Variants in DTX3 observed in about 807,000 individuals in gnomAD.
DTX3 encodes the protein deltex E3 ubiquitin ligase 3.
Under a neutral mutation model 27.4 loss-of-function variants are expected in DTX3, and 10 were observed. That is an observed-to-expected ratio of 0.36 (90% confidence interval 0.22 to 0.62). DTX3 has a LOEUF of 0.62. Among genes scored for constraint, DTX3 ranks in the 20% least tolerant of loss-of-function variants. DTX3 has a pLI of 0.68. For missense variants in DTX3, 319 were observed against 463.8 expected (o/e 0.69, Z 2.87); for synonymous variants, 171 against 190.7 (o/e 0.90, Z 0.85).
chr12:57,605,537 G>A (rs1393940427), intron 1 of DTX3, 34 bp from the exon 2 acceptor site: 1 of 152,202 alleles, frequency 6.6e-6, no homozygotes, highest in Non-Finnish European at 1.5e-5. Context: ...TCAATAAATG[G>A]AGGTCACACT....
At position 57,607,871 on chromosome 12, in the gene DTX3, ATAT is replaced by A. The variant is rs1883814266; in HGVS notation, c.750+263_750+265del. On this transcript the variant is annotated intron_variant, in intron 5 of 6. Coordinates refer to ENST00000337737, the MANE Select transcript of DTX3 (RefSeq NM_178502.4). The surrounding 1 kb of genome is among the most constrained non-coding windows in gnomAD (Gnocchi z 7.7). Reference sequence around the variant, plus strand: ...ATCAGATATGAGAGGAAGGAATTGCATATTATTTCCTTGATGAACACAAATACT... The same window carrying A: ...ATCAGATATGAGAGGAAGGAATTGCATATTTCCTTGATGAACACAAATACT... Among the ~76,000 whole-genome samples, 1 of 152,212 alleles carries A rather than the reference ATAT, an allele frequency of 6.6e-6. No individual in the cohort carries two copies. Among genetic ancestry groups the A allele is most frequent in the African/African-American group, 2.4e-5 (1 of 41,456 alleles).
rs1287469843 is a variant in DTX3 at position 57,609,552 on chromosome 12, C to A, written c.*400C>A. ...CCCCACATACTGCTCCACCGCTGAACTTCGGGTGCCGGGGAGGAGAAATTG... is the reference window on the plus strand; with the variant it reads ...CCCCACATACTGCTCCACCGCTGAAATTCGGGTGCCGGGGAGGAGAAATTG... On this transcript the variant is annotated 3_prime_UTR_variant, in exon 7 of 7. Coordinates refer to ENST00000337737, the MANE Select transcript of DTX3 (RefSeq NM_178502.4). 1 of 192,574 alleles carries A rather than the reference C, an allele frequency of 5.2e-6. No homozygotes were observed. The highest frequency in any genetic ancestry group is 2.3e-5 in the African/African-American group (1 of 43,386). 11.9% of individuals were successfully genotyped at this position (192,574 alleles called of 1,614,324 possible). A position where few individuals can be genotyped will look rare whatever the true frequency, so the allele number is the denominator to read the frequency against.
chr12:57,606,722 A>T, intron 4 of DTX3, 143 bp from the exon 5 acceptor site: 1 of 1,383,452 alleles, frequency 7.2e-7, no homozygotes, highest in Non-Finnish European at 9.9e-7. Flanking sequence ...GGGGAGACAG[A>T]ATATGAATTT....
chr12:57,608,984 G>A lies in DTX3; in HGVS notation c.969-93G>A. 2 of 1,231,034 alleles carry A rather than the reference G, an allele frequency of 1.6e-6. No individual in the cohort carries two copies. The highest frequency in any genetic ancestry group is 2.4e-6 in the Non-Finnish European group (2 of 846,362). The allele number at this position is 1,231,034 out of a possible 1,614,324, so 76.3% of individuals were successfully genotyped here. On this transcript the variant is annotated intron_variant, in intron 6 of 6. Coordinates refer to ENST00000337737, the MANE Select transcript of DTX3 (RefSeq NM_178502.4). The surrounding 1 kb of genome is among the most constrained non-coding windows in gnomAD (Gnocchi z 6.1). The stretch of plus-strand genomic sequence containing the variant: ...TGTCCTCCCTTAGGGGAGGTGGGGA[G>A]GTGTCTGAGCCACCTAGAATGAGGG...
At chr12:57,606,663 G>T in intron 4 of DTX3, 145 bp downstream of exon 4, 1 of 1,363,396 alleles carries the variant, frequency 7.3e-7, no homozygotes, top group Non-Finnish European at 1.0e-6. Context: ...TGATAATATA[G>T]CTCTGGAAAC....
chr12:57,609,346 GC>G lies in DTX3; in HGVS notation c.*196del. 3 of 600,730 alleles carry G rather than the reference GC, an allele frequency of 5.0e-6. No individual in the cohort carries two copies. The South Asian group carries it at 5.8e-5, about 12-fold the overall frequency. The allele number at this position is 600,730 out of a possible 1,614,324, so 37.2% of individuals were successfully genotyped here. The stretch of plus-strand genomic sequence containing the variant: ...GGCCAAGTGTTTCAATGCAGTGTGA[GC>G]CACTCCCTTCTGGCAGAGGCCGACC... On this transcript the variant is annotated 3_prime_UTR_variant, in exon 7 of 7. Transcript: ENST00000337737.
rs1883871550 is a variant in DTX3 at position 57,608,797 on chromosome 12, G to T, written c.968+60G>T. 6.3e-7 allele frequency: 1 copy of T among 1,579,746 alleles called. No individual in the cohort carries two copies. The highest frequency in any genetic ancestry group is 1.3e-5 in the African/African-American group (1 of 74,112). ...CTCCCCTTTGTTCCATTTCCACTGA[G>T]GGACCCACCAACCCCTCGCTCACGG... On this transcript the variant is annotated intron_variant, in intron 6 of 6. Transcript: ENST00000337737. This position sits in a 1 kb window ranked among gnomAD's most constrained non-coding sequence, Gnocchi z 6.1.
chr12:57,608,975 A>T lies in DTX3; in HGVS notation c.969-102A>T, dbSNP rs1883885978. On this transcript the variant is annotated intron_variant, in intron 6 of 6. Coordinates refer to ENST00000337737, the MANE Select transcript of DTX3 (RefSeq NM_178502.4). This position sits in a 1 kb window ranked among gnomAD's most constrained non-coding sequence, Gnocchi z 6.1. Reference sequence around the variant, plus strand: ...ATTTGGAGGTGTCCTCCCTTAGGGGAGGTGGGGAGGTGTCTGAGCCACCTA... The same window carrying T: ...ATTTGGAGGTGTCCTCCCTTAGGGGTGGTGGGGAGGTGTCTGAGCCACCTA... 8.7e-7 allele frequency: 1 copy of T among 1,153,216 alleles called. No homozygotes were observed. The highest frequency in any genetic ancestry group is 1.9e-5 in the Admixed American group (1 of 52,082). 71.4% of individuals were successfully genotyped at this position (1,153,216 alleles called of 1,614,324 possible).
Position 57,606,205 on chromosome 12 carries a change from T to C in DTX3, c.-123T>C. 1 of 387,444 alleles carries C rather than the reference T, an allele frequency of 2.6e-6. No individual in the cohort carries two copies. The highest frequency in any genetic ancestry group is 4.6e-6 in the Non-Finnish European group (1 of 216,564). The allele number at this position is 387,444 out of a possible 1,614,324, so 24.0% of individuals were successfully genotyped here. On this transcript the variant is annotated 5_prime_UTR_variant, in exon 3 of 7. Coordinates refer to ENST00000337737, the MANE Select transcript of DTX3 (RefSeq NM_178502.4). ...CCACTCCCAGTCCTGGTCAGCTGAG[T>C]GGAAATAGAAGGATTTCTGCTGCCA...
At position 57,608,562 on chromosome 12, in the gene DTX3, C is replaced by A. The variant is rs748137382; in HGVS notation, c.793C>A (p.Arg265=). The A allele has an allele frequency of 1.3e-5, 21 of 1,610,850 alleles. 1 individual carries two copies. In the South Asian group the frequency reaches 2.2e-4, roughly 17 times the overall value. ...NPGVRYPGTT[R]VAYLPDCPEG... is the part of the protein sequence containing the mutation. ...AGGAGTTCGGTATCCTGGCACCACACGGGTGGCCTACCTCCCGGACTGCCC... is the reference window on the plus strand; with the variant it reads ...AGGAGTTCGGTATCCTGGCACCACAAGGGTGGCCTACCTCCCGGACTGCCC... The change falls in exon 6 of 7, where the codon CGG becomes AGG. Residue 265 remains arginine (R), a synonymous_variant. Coordinates refer to ENST00000337737, the MANE Select transcript of DTX3 (RefSeq NM_178502.4). The surrounding 1 kb of genome is among the most constrained non-coding windows in gnomAD (Gnocchi z 6.1).
Position 57,608,800 on chromosome 12 carries a change from A to T in DTX3, c.968+63A>T. The T allele has an allele frequency of 1.9e-6, 3 of 1,563,154 alleles. No homozygotes were observed. Among genetic ancestry groups the T allele is most frequent in the Non-Finnish European group, 2.6e-6 (3 of 1,143,510 alleles). On this transcript the variant is annotated intron_variant, in intron 6 of 6. Transcript: ENST00000337737. The surrounding 1 kb of genome is among the most constrained non-coding windows in gnomAD (Gnocchi z 6.1). Reference sequence around the variant, plus strand: ...CCCTTTGTTCCATTTCCACTGAGGGACCCACCAACCCCTCGCTCACGGAGC... The same window carrying T: ...CCCTTTGTTCCATTTCCACTGAGGGTCCCACCAACCCCTCGCTCACGGAGC...
intron 1 of DTX3, chr12:57,605,352 C>T (rs561146043): frequency 3.3e-5 from 5 of 152,296 alleles, no homozygotes; most frequent in African/African-American, 1.2e-4. Context: ...AGGACTTGGA[C>T]CTAGGACACC....
chr12:57,607,020 G>A lies in DTX3; in HGVS notation c.157G>A (p.Glu53Lys). ...EHRVSILIDG[E>K]TSDIYVLQLS... is the part of the protein sequence containing the mutation. Reference sequence around the variant, plus strand: ...CCGTGTGTCCATCCTCATAGATGGCGAGACTTCTGACATCTATGTTCTCCA... The same window carrying A: ...CCGTGTGTCCATCCTCATAGATGGCAAGACTTCTGACATCTATGTTCTCCA... The change falls in exon 5 of 7, where the codon GAG becomes AAG. Residue 53 changes from glutamate (E) to lysine (K), a missense_variant. Physicochemically the swap from Glu to Lys is moderately conservative, Grantham distance 56. Around this residue, in one of 2 missense-constraint regions of DTX3, gnomAD observed 202 missense variants for 205.3 expected, o/e 0.98. Coordinates refer to ENST00000337737, the MANE Select transcript of DTX3 (RefSeq NM_178502.4). This position sits in a 1 kb window ranked among gnomAD's most constrained non-coding sequence, Gnocchi z 7.7. 3 of 1,614,180 alleles carry A rather than the reference G, an allele frequency of 1.9e-6. No homozygotes were observed. The highest frequency in any genetic ancestry group is 2.5e-6 in the Non-Finnish European group (3 of 1,180,030).
chr12:57,609,510 T>C lies in DTX3; in HGVS notation c.*358T>C. On this transcript the variant is annotated 3_prime_UTR_variant, in exon 7 of 7. Transcript: ENST00000337737. Reference sequence around the variant, plus strand: ...GACCTAGGGTGGGGAAGGGAGGGTCTCTTGATTCCTAACCGCCCCCACATA... The same window carrying C: ...GACCTAGGGTGGGGAAGGGAGGGTCCCTTGATTCCTAACCGCCCCCACATA... 4.3e-6 allele frequency: 1 copy of C among 232,598 alleles called. No individual in the cohort carries two copies. Among genetic ancestry groups the C allele is most frequent in the South Asian group, 8.4e-5 (1 of 11,886 alleles). The allele number at this position is 232,598 out of a possible 1,614,324, so 14.4% of individuals were successfully genotyped here.
At position 57,608,431 on chromosome 12, in the gene DTX3, CAG is replaced by C; in HGVS notation, c.751-85_751-84del. ...TTCGCATTAGCTGGGGGTGCTCAGACAGAGACTAGCCTGGATGACCCTCCTCT... is the reference window on the plus strand; with the variant it reads ...TTCGCATTAGCTGGGGGTGCTCAGACAGACTAGCCTGGATGACCCTCCTCT... On this transcript the variant is annotated intron_variant, in intron 5 of 6. Coordinates refer to ENST00000337737, the MANE Select transcript of DTX3 (RefSeq NM_178502.4). This position sits in a 1 kb window ranked among gnomAD's most constrained non-coding sequence, Gnocchi z 6.1. 8.1e-7 allele frequency: 1 copy of C among 1,233,918 alleles called. No individual in the cohort carries two copies. Among genetic ancestry groups the C allele is most frequent in the Non-Finnish European group, 1.1e-6 (1 of 872,772 alleles). 76.4% of individuals were successfully genotyped at this position (1,233,918 alleles called of 1,614,324 possible). A position where few individuals can be genotyped will look rare whatever the true frequency, so the allele number is the denominator to read the frequency against.
In DTX3 at chr12:57,607,758, G is replaced by C; in HGVS notation, c.750+145G>C. On this transcript the variant is annotated intron_variant, in intron 5 of 6. Transcript: ENST00000337737. The surrounding 1 kb of genome is among the most constrained non-coding windows in gnomAD (Gnocchi z 7.7). ...CCTCCTACTCAGTGCCCTGGACCTA[G>C]GAGGTCCCCGTGAGGCCCAGCCTTT... 2.8e-6 allele frequency: 3 copies of C among 1,067,406 alleles called. No homozygotes were observed. Among genetic ancestry groups the C allele is most frequent in the Non-Finnish European group, 4.1e-6 (3 of 730,656 alleles). The allele number at this position is 1,067,406 out of a possible 1,614,324, so 66.1% of individuals were successfully genotyped here. A position where few individuals can be genotyped will look rare whatever the true frequency, so the allele number is the denominator to read the frequency against.
In DTX3 at chr12:57,606,424, C is replaced by T; in HGVS notation, c.-75-19C>T. 6.3e-7 allele frequency: 1 copy of T among 1,591,022 alleles called. No individual in the cohort carries two copies. The highest frequency in any genetic ancestry group is 1.1e-5 in the South Asian group (1 of 87,812). ...GAGAAGGGGTTTCTCACTTTCCTTC[C>T]ATTTTTCCGCCCTACCAGGTCACAC... is the stretch of plus-strand genomic sequence containing the variant. On this transcript the variant is annotated intron_variant, in intron 3 of 6. Transcript: ENST00000337737.
chr12:57,606,681 C>T (rs764296814), intron 4 of DTX3, 163 bp downstream of exon 4: 89 of 1,337,004 alleles, frequency 6.7e-5, no homozygotes, highest in Non-Finnish European at 8.9e-5. Context: ...AACTTTTTTG[C>T]TCTTCAGTGG....
intron 1 of DTX3, 111 bp downstream of exon 1, chr12:57,604,969 C>G (rs922685328): frequency 6.6e-6 from 1 of 152,094 alleles, no homozygotes; most frequent in Non-Finnish European, 1.5e-5. Context: ...CCCCTCCCCG[C>G]GCGCGGCTCC....
Sources: allele counts gnomAD v4.1 joint callset (sites outside exome capture counted in the v4.1 genomes callset), GRCh38; gene constraint gnomAD v4.1.1; regional missense constraint gnomAD v4.1.1; non-coding constraint Gnocchi (gnomAD v3.1); transcripts MANE v1.5; gene names NCBI Gene and HGNC (gene_info 2026-07-23, HGNC 2026-07-21).